Variants in LRBA observed in about 807,000 individuals in gnomAD.
LRBA encodes the protein LPS responsive beige-like anchor protein, also known as lipopolysaccharide-responsive and beige-like anchor protein.
A neutral mutation model predicts 330.0 loss-of-function variants in LRBA; 176 were observed. That is an observed-to-expected ratio of 0.53 (90% CI 0.47 to 0.60). LRBA has a LOEUF of 0.60. Ranked by LOEUF, LRBA falls within the 20% of genes least tolerant of loss-of-function variation. The pLI, the probability that LRBA is intolerant of heterozygous loss-of-function variation, is 0.00. For missense variants in LRBA, 3,259 were observed against 3,444.8 expected, an observed-to-expected ratio of 0.95 and a Z score of 1.35; for synonymous variants, 1,230 against 1,193.0, an observed-to-expected ratio of 1.03 and a Z score of -0.64.
intron 55 of LRBA, among the ~76,000 whole-genome samples, chr4:150,280,049 T>A (rs1475972308): frequency 2.6e-5 from 4 of 152,194 alleles, no homozygotes; most frequent in African/African-American, 7.2e-5. Flanking sequence ...AAGTAAAACC[T>A]GGGCTTTAGG....
At position 150,840,985 on chromosome 4, in the gene LRBA, C is replaced by G. The variant is rs192151626; in HGVS notation, c.4569+3115G>C. The G allele has an allele frequency of 3.2e-3, 4,055 of 1,252,502 alleles. 7 individuals carry two copies. Among genetic ancestry groups the G allele is most frequent in the Non-Finnish European group, 4.0e-3 (3,814 of 964,492 alleles). 77.6% of individuals were successfully genotyped at this position (1,252,502 alleles called of 1,614,324 possible). A position where few individuals can be genotyped will look rare whatever the true frequency, so the allele number is the denominator to read the frequency against. On this transcript the variant is annotated intron_variant, in intron 28 of 56. Transcript: ENST00000651943. ...ATATCCACTTGATGCAATTCTTTGA[C>G]ATATTTGTGATCCGTGATCTGACAA...
chr4:150,755,649 T>TA (rs1560774609), intron 35 of LRBA, among the ~76,000 whole-genome samples: 1 of 152,116 alleles, frequency 6.6e-6, no homozygotes, highest in African/African-American at 2.4e-5. Context: ...ATCAAACATT[T>TA]AAAAAATTAG....
At chr4:150,351,568 A>G (rs1167000142) in intron 47 of LRBA, among the ~76,000 whole-genome samples, 7 of 152,122 alleles carry the variant, frequency 4.6e-5, no homozygotes, top group Non-Finnish European at 1.0e-4. Flanking sequence ...GGGCGCCTGT[A>G]GTCCCAGCTA....
intron 40 of LRBA, chr4:150,581,349 A>T: frequency 4.5e-6 from 2 of 445,680 alleles, no homozygotes; most frequent in Middle Eastern, 6.6e-4. Flanking sequence ...ACTGGTGCAC[A>T]TATACAGCAA....
chr4:150,456,844 G>T (rs1035403420), intron 44 of LRBA, among the ~76,000 whole-genome samples: 2 of 151,970 alleles, frequency 1.3e-5, no homozygotes, highest in Admixed American at 1.3e-4. Context: ...TTTGATTTTT[G>T]TATATGGTTA....
intron 40 of LRBA, among the ~76,000 whole-genome samples, chr4:150,527,791 T>C (rs956502899): frequency 6.6e-6 from 1 of 152,164 alleles, no homozygotes; most frequent in Non-Finnish European, 1.5e-5. Context: ...TGAAAGAATT[T>C]GTACAATATT....
At position 150,539,999 on chromosome 4, in the gene LRBA, A is replaced by C. The variant is rs543356977; in HGVS notation, c.6330+48049T>G. Among the ~76,000 whole-genome samples the C allele has an allele frequency of 1.5e-3, 230 of 152,256 alleles. 2 individuals are homozygous for C. Among genetic ancestry groups the C allele is most frequent in the African/African-American group, 5.3e-3 (221 of 41,566 alleles). On this transcript the variant is annotated intron_variant, in intron 40 of 56. Transcript: ENST00000651943. Reference sequence around the variant, plus strand: ...TTTAGTATTTTATTTTTTAATTTTTATGTATTTATGTCATTTGAAGTATAC... The same window carrying C: ...TTTAGTATTTTATTTTTTAATTTTTCTGTATTTATGTCATTTGAAGTATAC...
chr4:150,823,108 T>C (rs1406199956), intron 30 of LRBA, among the ~76,000 whole-genome samples: 2 of 152,198 alleles, frequency 1.3e-5, no homozygotes, highest in Non-Finnish European at 1.5e-5. Context: ...CTTTTGGATA[T>C]AAGCGATTTT....
intron 47 of LRBA, among the ~76,000 whole-genome samples, 194 bp from the exon 48 acceptor site, chr4:150,350,353 T>C (rs1311483899): frequency 1.3e-5 from 2 of 152,060 alleles, no homozygotes; most frequent in East Asian, 1.9e-4. Flanking sequence ...GGGCAGACCA[T>C]GAGGTCAGGA....
intron 46 of LRBA, among the ~76,000 whole-genome samples, chr4:150,425,636 G>A (rs1749491909): frequency 6.6e-6 from 1 of 152,134 alleles, no homozygotes; most frequent in East Asian, 1.9e-4. Context: ...TTTGCAGCCA[G>A]GCTGTATGAT....
chr4:150,685,420 A>ATATATATAT (rs1561514146), intron 36 of LRBA, among the ~76,000 whole-genome samples: 1 of 17,436 alleles, frequency 5.7e-5, no homozygotes, highest in Non-Finnish European at 9.2e-5. Flanking sequence ...ATATATATAT[A>ATATATATAT]TTTTTTTTTT....
In LRBA at chr4:150,900,349, A is replaced by G. The variant is rs578197160; in HGVS notation, c.1756-132T>C. ...GATGCTGAGCCTGATAATAATATCC[A>G]TATTAGACAACACATACTCACTGAC... On this transcript the variant is annotated intron_variant, in intron 13 of 56. Coordinates refer to ENST00000651943, the MANE Select transcript of LRBA (RefSeq NM_001364905.1). 124 of 584,660 alleles carry G rather than the reference A, an allele frequency of 2.1e-4. 1 individual carries two copies. The highest frequency in any genetic ancestry group is 3.2e-4 in the Non-Finnish European group (109 of 338,502). 36.2% of individuals were successfully genotyped at this position (584,660 alleles called of 1,614,324 possible).
At chr4:150,710,130 A>G (rs1786034211) in intron 36 of LRBA, among the ~76,000 whole-genome samples, 3 of 152,136 alleles carry the variant, frequency 2.0e-5, no homozygotes, top group Admixed American at 2.0e-4. Context: ...AATGTTTTGA[A>G]CTATAGATGT....
intron 29 of LRBA, among the ~76,000 whole-genome samples, chr4:150,829,072 C>T (rs1746762882): frequency 6.6e-6 from 1 of 151,938 alleles, no homozygotes; most frequent in African/African-American, 2.4e-5. Flanking sequence ...GTAGCTGAGA[C>T]TACAGGTATG....
Position 150,908,652 on chromosome 4 carries a change from G to A in LRBA, c.1359+8C>T. The stretch of plus-strand genomic sequence containing the variant: ...TTATAAATGTTCTTAAAAGATCACA[G>A]TTAGTACCTGGAGCATGAGTGCATG... On this transcript the variant is annotated splice_region_variant and intron_variant, in intron 10 of 56. Transcript: ENST00000651943. The A allele has an allele frequency of 1.9e-6, 3 of 1,607,368 alleles. No homozygotes were observed. The highest frequency in any genetic ancestry group is 2.6e-6 in the Non-Finnish European group (3 of 1,175,976).
At chr4:150,797,217 G>A (rs992782010) in intron 34 of LRBA, among the ~76,000 whole-genome samples, 2 of 151,622 alleles carry the variant, frequency 1.3e-5, no homozygotes, top group Admixed American at 6.6e-5. Flanking sequence ...CAAATAAATC[G>A]ATGCAAAGAA....
At chr4:150,482,458 A>C (rs1757397425) in intron 42 of LRBA, among the ~76,000 whole-genome samples, 1 of 152,066 alleles carries the variant, frequency 6.6e-6, no homozygotes. Flanking sequence ...CATCTTGGTT[A>C]TTTCCAATTT....
At chr4:150,277,791 C>A in intron 56 of LRBA, 62 bp downstream of exon 56, 2 of 1,531,042 alleles carry the variant, frequency 1.3e-6, no homozygotes, top group Admixed American at 1.7e-5. Flanking sequence ...TGTAAGCCAA[C>A]ACGACCAGTC....
At chr4:150,749,144 T>TTATA (rs1479262706) in intron 35 of LRBA, among the ~76,000 whole-genome samples, 1 of 151,878 alleles carries the variant, frequency 6.6e-6, no homozygotes, top group Non-Finnish European at 1.5e-5. Context: ...AATGTAAGAG[T>TTATA]TATAACTATA....
Sources: allele counts gnomAD v4.1 joint callset (sites outside exome capture counted in the v4.1 genomes callset), GRCh38; gene constraint gnomAD v4.1.1; transcripts MANE v1.5; gene names NCBI Gene and HGNC (gene_info 2026-07-23, HGNC 2026-07-21).